The following TMED3 variants were observed in gnomAD, a reference collection of about 807,000 sequenced individuals.
The protein encoded by TMED3 is transmembrane emp24 domain-containing protein 3.
TMED3 carries 9 observed loss-of-function variants against 15.0 expected under a neutral mutation model. That is an observed-to-expected ratio of 0.60 (90% CI 0.36 to 1.04). The LOEUF (loss-of-function observed/expected upper bound fraction) is 1.04. Ranked by LOEUF, TMED3 falls within the 50% of genes least tolerant of loss-of-function variation. The pLI is 0.01. For missense variants in TMED3, 267 were observed against 278.9 expected (o/e 0.96, Z 0.30); for synonymous variants, 117 against 121.4 (o/e 0.96, Z 0.24).
At chr15:79,395,734 G>A (rs985977014) in intron 2 of TMED3, among the ~76,000 whole-genome samples, 14 of 152,048 alleles carry the variant, frequency 9.2e-5, no homozygotes, top group African/African-American at 3.1e-4. Flanking sequence ...TTATTGTTTC[G>A]TCTATTTCAT....
chr15:79,385,937 G>A (rs1442134833), intron 2 of TMED3, among the ~76,000 whole-genome samples: 1 of 152,118 alleles, frequency 6.6e-6, no homozygotes, highest in Non-Finnish European at 1.5e-5. Flanking sequence ...AACAACTGTT[G>A]GATTTCAGCC....
chr15:79,372,055 A>AAAAC (rs951403730), intron 2 of TMED3, among the ~76,000 whole-genome samples: 18 of 152,354 alleles, frequency 1.2e-4, no homozygotes, highest in Non-Finnish European at 1.6e-4. Flanking sequence ...AGAATAAGCA[A>AAAAC]AAACAAACAA....
intron 2 of TMED3, among the ~76,000 whole-genome samples, chr15:79,390,101 T>C (rs1351580976): frequency 1.3e-5 from 2 of 152,186 alleles, no homozygotes; most frequent in African/African-American, 4.8e-5. Context: ...GTCTGATTGC[T>C]CTGGCTAGGA....
chr15:79,325,838 A>G (rs1567024220), downstream of TMED3, among the ~76,000 whole-genome samples: 2 of 152,282 alleles, frequency 1.3e-5, no homozygotes, highest in Non-Finnish European at 1.5e-5. Flanking sequence ...CGGGAGAAAG[A>G]TGAAAGCCGG....
intron 2 of TMED3, among the ~76,000 whole-genome samples, chr15:79,380,336 C>T (rs912081311): frequency 2.7e-5 from 4 of 150,252 alleles, no homozygotes; most frequent in African/African-American, 9.8e-5. Context: ...GGCGACAGAG[C>T]GAGACTCTGT....
intron 2 of TMED3, among the ~76,000 whole-genome samples, chr15:79,355,774 C>A (rs1038650480): frequency 2.0e-5 from 3 of 152,206 alleles, no homozygotes; most frequent in African/African-American, 7.2e-5. Flanking sequence ...CGGCCTGACC[C>A]TCCACTGAAT....
At chr15:79,385,876 G>C (rs1893620818) in intron 2 of TMED3, among the ~76,000 whole-genome samples, 1 of 152,208 alleles carries the variant, frequency 6.6e-6, no homozygotes, top group African/African-American at 2.4e-5. Flanking sequence ...GATAGCAGCA[G>C]CCTCTGCCAT....
chr15:79,400,099 A>G (rs1893814469), intron 2 of TMED3, among the ~76,000 whole-genome samples: 1 of 152,156 alleles, frequency 6.6e-6, no homozygotes, highest in African/African-American at 2.4e-5. Context: ...GGTCTAGCTA[A>G]AAGACCCGTC....
At chr15:79,366,612 G>GAGCTTACT (rs1893240822) in intron 2 of TMED3, among the ~76,000 whole-genome samples, 1 of 152,142 alleles carries the variant, frequency 6.6e-6, no homozygotes, top group Admixed American at 6.5e-5. Context: ...TCCATGCTTG[G>GAGCTTACT]TTCGGGGATA....
intron 2 of TMED3, among the ~76,000 whole-genome samples, chr15:79,404,863 T>C (rs1216639849): frequency 6.6e-6 from 1 of 152,234 alleles, no homozygotes. Flanking sequence ...TTGTTTAGCA[T>C]CAACATAAGT....
At chr15:79,380,464 TG>T (rs1893506068) in intron 2 of TMED3, among the ~76,000 whole-genome samples, 2 of 147,436 alleles carry the variant, frequency 1.4e-5, no homozygotes, top group Non-Finnish European at 3.0e-5. Context: ...ATGTTATATA[TG>T]GTTATATATA....
intron 2 of TMED3, among the ~76,000 whole-genome samples, chr15:79,365,145 CAGGGAACTCT>C (rs1893207650): frequency 6.6e-6 from 1 of 152,218 alleles, no homozygotes; most frequent in Admixed American, 6.5e-5. Context: ...AGAGGGGGAT[CAGGGAACTCT>C]CCTGTTTTGC....
At chr15:79,349,004 GT>G (rs2058881408) in intron 2 of TMED3, among the ~76,000 whole-genome samples, 1 of 151,922 alleles carries the variant, frequency 6.6e-6, no homozygotes, top group South Asian at 2.1e-4. Flanking sequence ...ATGCCCACTA[GT>G]TTTTTGATTT....
chr15:79,390,927 T>G (rs983092086), intron 2 of TMED3, among the ~76,000 whole-genome samples: 2 of 152,140 alleles, frequency 1.3e-5, no homozygotes, highest in Non-Finnish European at 2.9e-5. Context: ...TCAGTTCTAA[T>G]GTCTCCCATT....
At chr15:79,340,880 A>G (rs866611202) in intron 2 of TMED3, among the ~76,000 whole-genome samples, 9 of 152,206 alleles carry the variant, frequency 5.9e-5, no homozygotes, top group African/African-American at 1.2e-4. Context: ...AGTGTGGCCA[A>G]TTGAGTGAGA....
intron 2 of TMED3, among the ~76,000 whole-genome samples, chr15:79,344,353 A>T (rs989221188): frequency 3.3e-5 from 5 of 152,244 alleles, no homozygotes; most frequent in Admixed American, 3.3e-4. Flanking sequence ...TTCCTCTCAC[A>T]GCTTTGGAAA....
intron 2 of TMED3, among the ~76,000 whole-genome samples, chr15:79,399,042 C>T (rs1893799563): frequency 6.6e-6 from 1 of 152,184 alleles, no homozygotes; most frequent in African/African-American, 2.4e-5. Context: ...TCCCGAGTAG[C>T]TGGAATTACA....
intron 2 of TMED3, among the ~76,000 whole-genome samples, chr15:79,406,132 G>A (rs1946779150): frequency 1.3e-5 from 2 of 152,094 alleles, no homozygotes; most frequent in Admixed American, 6.5e-5. Context: ...GAGATGTGAT[G>A]AGGACCATCA....
At chr15:79,350,126 A>C in intron 2 of TMED3, among the ~76,000 whole-genome samples, 1 of 152,154 alleles carries the variant, frequency 6.6e-6, no homozygotes, top group East Asian at 1.9e-4. Context: ...TATTTGTTGA[A>C]GGGCTGGGTT....
Sources: allele counts gnomAD v4.1 joint callset (sites outside exome capture counted in the v4.1 genomes callset), GRCh38; gene constraint gnomAD v4.1.1; transcripts MANE v1.5; gene names NCBI Gene and HGNC (gene_info 2026-07-23, HGNC 2026-07-21).